The following CMBL variants were observed in gnomAD, a reference collection of about 807,000 sequenced individuals.
The protein encoded by CMBL is carboxymethylenebutenolidase homolog (Pseudomonas).
A neutral mutation model predicts 28.7 loss-of-function variants in CMBL; 17 were observed. The observed-to-expected ratio is 0.59, with a 90% confidence interval of 0.41 to 0.89. The LOEUF (loss-of-function observed/expected upper bound fraction) is 0.89. Among genes scored for constraint, CMBL ranks in the 40% least tolerant of loss-of-function variants. The probability of loss-of-function intolerance (pLI) is 0.00; values close to 1 mark genes in which losing one functional copy is unlikely to be tolerated. For missense variants in CMBL, 310 were observed against 298.5 expected (o/e 1.04, Z -0.28); for synonymous variants, 106 against 101.6 (o/e 1.04, Z -0.26).
intron 1 of CMBL, among the ~76,000 whole-genome samples, chr5:10,297,837 G>C (rs1579476719): frequency 6.6e-6 from 1 of 152,200 alleles, no homozygotes; most frequent in East Asian, 1.9e-4. Flanking sequence ...GGAGGCTGAG[G>C]ACGTGGACAC....
intron 2 of CMBL, 102 bp from the exon 3 acceptor site, chr5:10,288,631 A>T: frequency 2.2e-6 from 2 of 904,842 alleles, no homozygotes; most frequent in Non-Finnish European, 3.5e-6. Context: ...ATTCTGGCTC[A>T]GAGAAAAGGA....
At chr5:10,295,984 T>C (rs772864072) in intron 1 of CMBL, among the ~76,000 whole-genome samples, 14 of 152,242 alleles carry the variant, frequency 9.2e-5, no homozygotes, top group Non-Finnish European at 1.9e-4. Flanking sequence ...AAGGCTGTGA[T>C]GTGCCTTATG....
At chr5:10,302,669 G>A (rs969624184) in intron 1 of CMBL, among the ~76,000 whole-genome samples, 8 of 151,706 alleles carry the variant, frequency 5.3e-5, no homozygotes, top group African/African-American at 1.9e-4. Context: ...TGAAGTTCAG[G>A]CACAAATGAC....
At chr5:10,299,523 T>C (rs1355882530) in intron 1 of CMBL, among the ~76,000 whole-genome samples, 1 of 151,940 alleles carries the variant, frequency 6.6e-6, no homozygotes, top group Non-Finnish European at 1.5e-5. Context: ...ATCCCACCAC[T>C]AGATGTTTCC....
intron 1 of CMBL, among the ~76,000 whole-genome samples, chr5:10,297,194 AAAGAG>A (rs1436268617): frequency 1.4e-4 from 21 of 151,204 alleles, no homozygotes; most frequent in South Asian, 6.3e-4. Flanking sequence ...CAAAAAAAAA[AAAGAG>A]AGAGAGAGAG....
intron 1 of CMBL, among the ~76,000 whole-genome samples, chr5:10,295,718 T>C (rs569214057): frequency 2.6e-5 from 4 of 152,258 alleles, no homozygotes; most frequent in Admixed American, 6.5e-5. Flanking sequence ...TCAGCAGACA[T>C]TGGATCTGCC....
At position 10,279,501 on chromosome 5, in the gene CMBL, A is replaced by G. The variant is rs1746460463; in HGVS notation, c.*952T>C. On this transcript the variant is annotated 3_prime_UTR_variant, in exon 6 of 6. Coordinates refer to ENST00000296658, the MANE Select transcript of CMBL (RefSeq NM_138809.4). ...TCTATGATGTGTTCAAAGACCAGAAAAGGCCACACTTGACCTGTCAGCTGG... is the reference window on the plus strand; with the variant it reads ...TCTATGATGTGTTCAAAGACCAGAAGAGGCCACACTTGACCTGTCAGCTGG... The G allele has an allele frequency of 6.6e-6, 1 of 151,830 alleles. No individual in the cohort carries two copies. The highest frequency in any genetic ancestry group is 6.6e-5 in the Admixed American group (1 of 15,226). 9.4% of individuals were successfully genotyped at this position (151,830 alleles called of 1,614,324 possible). A position where few individuals can be genotyped will look rare whatever the true frequency, so the allele number is the denominator to read the frequency against.
At chr5:10,295,463 C>T (rs113606683) in intron 1 of CMBL, among the ~76,000 whole-genome samples, 2 of 152,154 alleles carry the variant, frequency 1.3e-5, no homozygotes, top group Non-Finnish European at 2.9e-5. Context: ...GTCCACATTC[C>T]CAGCTGAGGA....
Position 10,286,374 on chromosome 5 carries a change from CTGA to C in CMBL, c.443_445del (p.Phe148_Arg149delinsTrp), listed in dbSNP as rs762763030. ...TTTACCATAGACGGACACCCCTGCCCTGAATTCTGAGTATTTCATCATCAAATG... is the reference window on the plus strand; with the variant it reads ...TTTACCATAGACGGACACCCCTGCCCATTCTGAGTATTTCATCATCAAATG... On this transcript the variant is annotated inframe_deletion, in exon 4 of 6. Transcript: ENST00000296658. 6.2e-7 allele frequency: 1 copy of C among 1,614,010 alleles called. No individual in the cohort carries two copies. The highest frequency in any genetic ancestry group is 1.7e-5 in the Admixed American group (1 of 60,010).
In CMBL at chr5:10,292,071, G is replaced by C. The variant is rs184339156; in HGVS notation, c.-19-1290C>G. 1.1e-4 allele frequency: 16 copies of C among 152,318 alleles called. No individual in the cohort carries two copies. The East Asian group carries it at 3.1e-3, about 29-fold the overall frequency. The allele number at this position is 152,318 out of a possible 1,614,324, so 9.4% of individuals were successfully genotyped here. A position where few individuals can be genotyped will look rare whatever the true frequency, so the allele number is the denominator to read the frequency against. On this transcript the variant is annotated intron_variant, in intron 1 of 5. Coordinates refer to ENST00000296658, the MANE Select transcript of CMBL (RefSeq NM_138809.4). ...GCAGGAAATGAGGCGGCGAAAGTGG[G>C]AGTAGTAGAACAAGGAATTTGATTT...
chr5:10,284,230 A>G (rs1026393775), intron 4 of CMBL, among the ~76,000 whole-genome samples: 1 of 152,236 alleles, frequency 6.6e-6, no homozygotes, highest in Non-Finnish European at 1.5e-5. Context: ...TAAATCGCGC[A>G]AAAGCATGGT....
In CMBL at chr5:10,286,419, C is replaced by A. The variant is rs763043668; in HGVS notation, c.401G>T (p.Gly134Val). ...CATCAAATGATGGACAGCAGTTCCACCCCAGCAGAATCCCACGATGCCAAT... is the reference window on the plus strand; with the variant it reads ...CATCAAATGATGGACAGCAGTTCCAACCCAGCAGAATCCCACGATGCCAAT... ...QKIGIVGFCW[G>V]GTAVHHLMMK... The change falls in exon 4 of 6, where the codon GGT (glycine) becomes GTT (valine). Residue 134 changes from glycine to valine, a missense_variant. Physicochemically the swap from Gly to Val is moderately radical, Grantham distance 109. Transcript: ENST00000296658. 1 of 1,614,042 alleles carries A rather than the reference C, an allele frequency of 6.2e-7. No individual in the cohort carries two copies. Among genetic ancestry groups the A allele is most frequent in the Admixed American group, 1.7e-5 (1 of 60,018 alleles).
At chr5:10,304,846 G>T (rs1359905922) in intron 1 of CMBL, among the ~76,000 whole-genome samples, 1 of 152,012 alleles carries the variant, frequency 6.6e-6, no homozygotes, top group Non-Finnish European at 1.5e-5. Flanking sequence ...AGAATTTACA[G>T]ATCTATCAGA....
intron 4 of CMBL, among the ~76,000 whole-genome samples, chr5:10,285,715 T>G (rs1348021010): frequency 6.7e-6 from 1 of 148,546 alleles, no homozygotes; most frequent in African/African-American, 2.5e-5. Context: ...TTTTTTTTTT[T>G]GAGACAGGGT....
intron 4 of CMBL, among the ~76,000 whole-genome samples, chr5:10,284,999 T>C (rs571789448): frequency 1.3e-5 from 2 of 151,784 alleles, no homozygotes; most frequent in Admixed American, 1.3e-4. Context: ...TTTCCTTTTT[T>C]TTTTTTATTT....
At chr5:10,286,795 G>C (rs1746612107) in intron 3 of CMBL, among the ~76,000 whole-genome samples, 1 of 152,162 alleles carries the variant, frequency 6.6e-6, no homozygotes. Context: ...CCACAGCCTG[G>C]GGATGAAGGC....
At chr5:10,282,114 C>G in intron 5 of CMBL, 83 bp downstream of exon 5, 1 of 936,740 alleles carries the variant, frequency 1.1e-6, no homozygotes, top group South Asian at 1.4e-5. Flanking sequence ...GAGCCGAGAT[C>G]GCGCCACTGC....
rs374324140 is a variant in CMBL at position 10,287,989 on chromosome 5, C to A, written c.323+433G>T. 6.6e-5 allele frequency among the ~76,000 whole-genome samples: 10 copies of A among 151,504 alleles called. No homozygotes were observed. The East Asian group carries it at 1.2e-3, about 18-fold the overall frequency. On this transcript the variant is annotated intron_variant, in intron 3 of 5. Transcript: ENST00000296658. ...CAAGTGATCAGCCAGCCTCAGCCTG[C>A]CAAAGTGCTGGGATTACGGGTGTGA...
At chr5:10,306,568 G>GA (rs1170120002) in intron 1 of CMBL, among the ~76,000 whole-genome samples, 1 of 152,200 alleles carries the variant, frequency 6.6e-6, no homozygotes, top group Non-Finnish European at 1.5e-5. Flanking sequence ...GACAACACAG[G>GA]AAAGTGGGGT....
Sources: gnomAD v4.1 joint callset for allele counts (sites outside exome capture counted in the v4.1 genomes callset) on GRCh38, gnomAD v4.1.1 for gene constraint, MANE v1.5 for transcripts, NCBI Gene and HGNC (gene_info 2026-07-23, HGNC 2026-07-21) for gene names.